PCLO: variants seen among roughly 807,000 people sequenced by gnomAD.
PCLO encodes the protein protein piccolo.
In PCLO, 82 loss-of-function variants were observed where a neutral mutation model predicts 427.5. The observed-to-expected ratio is 0.19, with a 90% CI of 0.16 to 0.23. The LOEUF is 0.23. Among genes scored for constraint, PCLO ranks in the 10% least tolerant of loss-of-function variants. The pLI is 1.00. For synonymous variants in PCLO, 2,357 were observed against 2,155.4 expected, an observed-to-expected ratio of 1.09 and a Z score of -2.59; for missense variants, 6,239 against 6,115.9, an observed-to-expected ratio of 1.02 and a Z score of -0.67.
intron 7 of PCLO, among the ~76,000 whole-genome samples, chr7:82,912,298 A>AT (rs2116247314): frequency 6.6e-6 from 1 of 151,954 alleles, no homozygotes; most frequent in East Asian, 1.9e-4. Flanking sequence ...AGTTTCTTCT[A>AT]TTTTTTTAAA....
intron 10 of PCLO, among the ~76,000 whole-genome samples, chr7:82,873,777 A>T (rs1472028777): frequency 1.3e-5 from 2 of 151,344 alleles, no homozygotes; most frequent in African/African-American, 4.8e-5. Flanking sequence ...ATCTCCTCAT[A>T]CTCAGTCACT....
In PCLO at chr7:82,952,779, C is replaced by T. The variant is rs1173153458; in HGVS notation, c.8174G>A (p.Gly2725Asp). 6.2e-7 allele frequency: 1 copy of T among 1,613,516 alleles called. No homozygotes were observed. The highest frequency in any genetic ancestry group is 1.1e-5 in the South Asian group (1 of 91,058). ...YKEDGKLQLV[G>D]DVIDLRTVPK... ...TACTGTACGCAAATCAATTACATCA[C>T]CAACAAGTTGCAATTTTCCATCTTC... The change falls in exon 5 of 25, where the codon GGT becomes GAT. Residue 2725 changes from glycine (G) to aspartate (D), a missense_variant. Gly to Asp is a moderately conservative substitution (Grantham distance 94, BLOSUM62 -1). Transcript: ENST00000333891.
chr7:82,866,427 T>C (rs899025241), intron 10 of PCLO, among the ~76,000 whole-genome samples: 2 of 152,034 alleles, frequency 1.3e-5, no homozygotes, highest in African/African-American at 4.8e-5. Context: ...CCATGCTTTC[T>C]TCACTGAAGC....
intron 10 of PCLO, among the ~76,000 whole-genome samples, chr7:82,862,325 A>C (rs1792978367): frequency 6.6e-6 from 1 of 152,000 alleles, no homozygotes; most frequent in Non-Finnish European, 1.5e-5. Context: ...ATGTGGAGAA[A>C]AGAGAACCCT....
Position 83,049,989 on chromosome 7 carries a change from T to G in PCLO, c.3301-83502A>C, listed in dbSNP as rs182813635. On this transcript the variant is annotated intron_variant, in intron 3 of 24. Coordinates refer to ENST00000333891, the MANE Select transcript of PCLO (RefSeq NM_033026.6). ...ATCTTTCCTCAAATTTGTTATTTCTTCATATGATCTTCCGCTTCCTGACCC... is the reference window on the plus strand; with the variant it reads ...ATCTTTCCTCAAATTTGTTATTTCTGCATATGATCTTCCGCTTCCTGACCC... Among the ~76,000 whole-genome samples the G allele has an allele frequency of 3.5e-3, 535 of 151,330 alleles. 5 individuals carry two copies. Among genetic ancestry groups the G allele is most frequent in the Non-Finnish European group, 5.6e-3 (382 of 67,830 alleles).
At chr7:82,799,903 A>T (rs1019116133) in intron 22 of PCLO, among the ~76,000 whole-genome samples, 1 of 152,094 alleles carries the variant, frequency 6.6e-6, no homozygotes, top group Non-Finnish European at 1.5e-5. Context: ...CGAGTATATC[A>T]TCAATTGCTA....
intron 3 of PCLO, among the ~76,000 whole-genome samples, chr7:83,013,097 T>C (rs1730734816): frequency 6.6e-6 from 1 of 152,126 alleles, no homozygotes; most frequent in Non-Finnish European, 1.5e-5. Context: ...TATACATATA[T>C]ACATATATTT....
At chr7:82,820,920 G>A (rs1791775324) in intron 20 of PCLO, 1 of 1,229,506 alleles carries the variant, frequency 8.1e-7, no homozygotes, top group South Asian at 4.2e-5. Context: ...ACAAATCACT[G>A]TAGTCAATAT....
rs546393570 is a variant in PCLO at position 83,014,168 on chromosome 7, G to GC, written c.3301-47682dup. Among the ~76,000 whole-genome samples, 3 of 152,060 alleles carry GC rather than the reference G, an allele frequency of 2.0e-5. No homozygotes were observed. In the South Asian group the frequency reaches 6.2e-4, roughly 32 times the overall value. On this transcript the variant is annotated intron_variant, in intron 3 of 24. Coordinates refer to ENST00000333891, the MANE Select transcript of PCLO (RefSeq NM_033026.6). Reference sequence around the variant, plus strand: ...AGATATGTACAGTCTTCATAGAAAGGCAAGAGACACACTTGAGATAGTTAA... The same window carrying GC: ...AGATATGTACAGTCTTCATAGAAAGGCCAAGAGACACACTTGAGATAGTTAA...
intron 7 of PCLO, among the ~76,000 whole-genome samples, chr7:82,910,107 C>T (rs867127407): frequency 1.3e-5 from 2 of 151,524 alleles, no homozygotes; most frequent in Middle Eastern, 6.8e-3. Context: ...TTGCTTCCTG[C>T]TTCCTAAACA....
At chr7:82,983,011 C>T (rs930282746) in intron 3 of PCLO, among the ~76,000 whole-genome samples, 1 of 151,556 alleles carries the variant, frequency 6.6e-6, no homozygotes, top group Non-Finnish European at 1.5e-5. Flanking sequence ...TCTAATAACA[C>T]TGATGTATTA....
chr7:83,070,450 T>G (rs375821709), intron 3 of PCLO, among the ~76,000 whole-genome samples: 1,869 of 150,548 alleles, frequency 0.012, 45 homozygotes, highest in African/African-American at 0.042. Context: ...TGCAGTGGCG[T>G]GATCTCAGCT....
intron 22 of PCLO, among the ~76,000 whole-genome samples, chr7:82,775,295 T>A (rs930546018): frequency 1.3e-5 from 2 of 152,196 alleles, no homozygotes; most frequent in Non-Finnish European, 2.9e-5. Flanking sequence ...GCATATTTAA[T>A]GTTGTATAAA....
At chr7:83,017,971 T>G (rs112109009) in intron 3 of PCLO, 4 of 152,148 alleles carry the variant, frequency 2.6e-5, no homozygotes, top group Non-Finnish European at 5.9e-5. Context: ...TGGTTAGTAC[T>G]AGGATGAGAA....
At chr7:82,778,789 A>G (rs1475927152) in intron 22 of PCLO, among the ~76,000 whole-genome samples, 1 of 151,846 alleles carries the variant, frequency 6.6e-6, no homozygotes, top group Non-Finnish European at 1.5e-5. Context: ...CTGACCCTTG[A>G]GGATTTTTTC....
chr7:83,024,510 G>A (rs570433878), intron 3 of PCLO, among the ~76,000 whole-genome samples: 1 of 152,294 alleles, frequency 6.6e-6, no homozygotes, highest in South Asian at 2.1e-4. Context: ...AGACTGCAAT[G>A]CAGCAGCCAG....
intron 20 of PCLO, chr7:82,821,432 C>T (rs908638056): frequency 4.1e-6 from 4 of 985,592 alleles, no homozygotes; most frequent in Non-Finnish European, 4.8e-6. Flanking sequence ...AATGACACCA[C>T]ATGCACAGCA....
intron 3 of PCLO, among the ~76,000 whole-genome samples, chr7:82,988,915 A>T (rs187787328): frequency 1.7e-3 from 258 of 151,490 alleles, no homozygotes; most frequent in Non-Finnish European, 2.8e-3. Context: ...GCTCACCGCA[A>T]CCTCTGCCTC....
At chr7:82,880,822 C>G (rs1793489280) in intron 9 of PCLO, among the ~76,000 whole-genome samples, 1 of 152,026 alleles carries the variant, frequency 6.6e-6, no homozygotes, top group Non-Finnish European at 1.5e-5. Context: ...AATTTTTAAG[C>G]TATAAAAATT....
Sources: allele counts gnomAD v4.1 joint callset (sites outside exome capture counted in the v4.1 genomes callset), GRCh38; gene constraint gnomAD v4.1.1; transcripts MANE v1.5; gene names NCBI Gene and HGNC (gene_info 2026-07-23, HGNC 2026-07-21).